EXD3: variants seen among roughly 807,000 people sequenced by gnomAD.
The protein encoded by EXD3 is exonuclease mut-7 homolog.
Under a neutral mutation model 98.0 loss-of-function variants are expected in EXD3, and 92 were observed. The ratio of observed to expected loss-of-function variants is 0.94; its 90% confidence interval spans 0.79 to 1.12. EXD3 has a LOEUF of 1.12. Among genes scored for constraint, EXD3 ranks in the 50% most tolerant of loss-of-function variants. The pLI is 0.00. For synonymous variants in EXD3, 569 were observed against 526.0 expected (o/e 1.08, Z -1.12); for missense variants, 1,222 against 1,191.6 (o/e 1.03, Z -0.38).
chr9:137,378,806 G>C (rs1836044724), intron 3 of EXD3, among the ~76,000 whole-genome samples: 1 of 152,282 alleles, frequency 6.6e-6, no homozygotes, highest in African/African-American at 2.4e-5. Context: ...TCCAGAGGCA[G>C]AAAGCGGGTG....
intron 17 of EXD3, among the ~76,000 whole-genome samples, chr9:137,330,138 GA>G (rs1396776788): frequency 1.7e-5 from 2 of 119,298 alleles, no homozygotes; most frequent in Non-Finnish European, 3.6e-5. Context: ...AGCTACACAG[GA>G]ACTACACCGG....
chr9:137,317,362 C>T (rs1026469008), intron 19 of EXD3, among the ~76,000 whole-genome samples: 2 of 152,156 alleles, frequency 1.3e-5, no homozygotes, highest in Non-Finnish European at 2.9e-5. Context: ...CCGAGGACAG[C>T]CTGCCCATCC....
intron 1 of EXD3, among the ~76,000 whole-genome samples, chr9:137,420,766 A>C (rs1427748078): frequency 3.0e-5 from 4 of 133,398 alleles, no homozygotes; most frequent in African/African-American, 1.1e-4. Flanking sequence ...TACAGGTATT[A>C]TACATACACT....
At chr9:137,390,432 C>CAA in intron 2 of EXD3, among the ~76,000 whole-genome samples, 1 of 128,330 alleles carries the variant, frequency 7.8e-6, no homozygotes, top group African/African-American at 2.9e-5. Context: ...ATTCTGTTGC[C>CAA]AAAAAAAAAA....
chr9:137,356,463 A>T, intron 7 of EXD3, 95 bp from the exon 8 acceptor site: 1 of 835,072 alleles, frequency 1.2e-6, no homozygotes, highest in Non-Finnish European at 1.9e-6. Context: ...TGCATAGTTT[A>T]AACCTCAAGT....
intron 8 of EXD3, 51 bp from the exon 9 acceptor site, chr9:137,354,824 G>T: frequency 6.4e-7 from 1 of 1,558,544 alleles, no homozygotes; most frequent in Non-Finnish European, 8.7e-7. Context: ...GCCTCACCAC[G>T]GCCTCCTTCT....
At chr9:137,366,245 A>C in intron 7 of EXD3, 1 of 705,012 alleles carries the variant, frequency 1.4e-6, no homozygotes, top group Non-Finnish European at 2.6e-6. Flanking sequence ...ACGGAGAATT[A>C]TTTTCGTTCT....
rs1054043603 is a variant in EXD3, at chr9:137,320,233, C to T, written c.2184+3492G>A. ...CCCCCCGCCCCTTCCCCACGTCCTG[C>T]CCCCAGACAGAGGGGCTGGCACAGG... On this transcript the variant is annotated intron_variant, in intron 19 of 21. Transcript: ENST00000340951. 3.3e-5 allele frequency among the ~76,000 whole-genome samples: 5 copies of T among 152,328 alleles called. No individual in the cohort carries two copies. The South Asian group carries it at 6.2e-4, about 19-fold the overall frequency.
chr9:137,332,587 T>C (rs1322402248), intron 17 of EXD3, among the ~76,000 whole-genome samples: 2 of 151,418 alleles, frequency 1.3e-5, no homozygotes, highest in Middle Eastern at 3.4e-3. Context: ...CTCACGCCTG[T>C]AATCCCAGCA....
chr9:137,318,153 G>A (rs1394204501), intron 19 of EXD3, among the ~76,000 whole-genome samples: 1 of 152,200 alleles, frequency 6.6e-6, no homozygotes, highest in East Asian at 1.9e-4. Context: ...GGCTCCAGGT[G>A]CTGAGTGTGA....
intron 18 of EXD3, 108 bp from the exon 19 acceptor site, chr9:137,323,964 G>T: frequency 2.6e-6 from 4 of 1,527,328 alleles, no homozygotes; most frequent in Admixed American, 2.0e-5. Context: ...CGGCCCACCA[G>T]GGGTACGGCA....
In EXD3 at chr9:137,354,710, C is replaced by A; in HGVS notation, c.821G>T (p.Arg274Leu). 1 of 1,610,944 alleles carries A rather than the reference C, an allele frequency of 6.2e-7. No individual in the cohort carries two copies. The stretch of plus-strand genomic sequence containing the variant: ...CTCCTGCTCACGAACCTCCACAAAC[C>A]GCTTGTGGCACAGGTGCCGCAGGGC... ...LAALRHLCHK[R>L]FVEKSLSQEN... is the part of the protein sequence containing the mutation. Residue 274 changes from arginine (R) to leucine (L), a missense_variant, in exon 9 of 22, where the codon CGG becomes CTG. Transcript: ENST00000340951.
At position 137,311,016 on chromosome 9, in the gene EXD3, C is replaced by T. The variant is rs374609086; in HGVS notation, c.2185-1316G>A. ...CCGGGTGTGGCCATGTTGGGGGCAC[C>T]GGCCCTGCCCCACACGCTGTCTTCC... is the stretch of plus-strand genomic sequence containing the variant. On this transcript the variant is annotated intron_variant, in intron 19 of 21. Transcript: ENST00000340951. Among the ~76,000 whole-genome samples, 236 of 152,342 alleles carry T rather than the reference C, an allele frequency of 1.5e-3. 2 individuals carry two copies. The Middle Eastern group carries it at 0.02, about 13-fold the overall frequency.
rs374531532 is a variant in EXD3, at chr9:137,349,373, G to A, written c.1653C>T (p.Tyr551=). 26 of 1,587,012 alleles carry A rather than the reference G, an allele frequency of 1.6e-5. No individual in the cohort carries two copies. Among genetic ancestry groups the A allele is most frequent in the Non-Finnish European group, 2.0e-5 (23 of 1,172,590 alleles). The change falls in exon 15 of 22, where the codon TAC becomes TAT. Residue 551 remains tyrosine, a synonymous_variant. Transcript: ENST00000340951. This position sits in a 1 kb window ranked among gnomAD's most constrained non-coding sequence, Gnocchi z 7.4. ...CCCACCCGCCGCACCGCACACCTGC[G>A]TAGATGACCTGCTCCTCGCAGAGCG... ...RRPLCEEQVI[Y]AAADAYCLLE... is the part of the protein sequence containing the mutation.
In EXD3 at chr9:137,328,654, A is replaced by G. The variant is rs992652007; in HGVS notation, c.1999-4511T>C. Among the ~76,000 whole-genome samples, 40 of 75,724 alleles carry G rather than the reference A, an allele frequency of 5.3e-4. 1 individual carries two copies. Among genetic ancestry groups the G allele is most frequent in the African/African-American group, 2.7e-3 (37 of 13,702 alleles). The allele number at this position is 75,724 out of a possible 152,430, so 49.7% of individuals were successfully genotyped here. ...GGACTACACGGGGCTACACGGGACT[A>G]CACGGGACTACACGGGACTACACGG... On this transcript the variant is annotated intron_variant, in intron 17 of 21. Coordinates refer to ENST00000340951, the MANE Select transcript of EXD3 (RefSeq NM_017820.5).
Position 137,323,831 on chromosome 9 carries a change from CG to C in EXD3, c.2077del (p.Arg693AlafsTer9). 1 of 1,611,744 alleles carries C rather than the reference CG, an allele frequency of 6.2e-7. No homozygotes were observed. ...CAGGGAGCAGTCGACCGAGAGGCAG[CG>C]CCCAGCCCCGACCTGGGCCCGGAGC... ...HKLRAQVGAG[R>X]CLSVDCSLKA... On this transcript the variant is annotated frameshift_variant, in exon 19 of 22. Coordinates refer to ENST00000340951, the MANE Select transcript of EXD3 (RefSeq NM_017820.5). LOFTEE classifies it high-confidence loss of function.
intron 19 of EXD3, among the ~76,000 whole-genome samples, chr9:137,318,985 C>T (rs1831872971): frequency 6.6e-6 from 1 of 152,256 alleles, no homozygotes; most frequent in Non-Finnish European, 1.5e-5. Context: ...GCGGGCTTTC[C>T]CTCCGGGAAC....
At position 137,385,459 on chromosome 9, in the gene EXD3, C is replaced by T. The variant is rs1056895510; in HGVS notation, c.56-2082G>A. Among the ~76,000 whole-genome samples, 18 of 152,200 alleles carry T rather than the reference C, an allele frequency of 1.2e-4. No homozygotes were observed. The highest frequency in any genetic ancestry group is 2.1e-4 in the South Asian group (1 of 4,794). On this transcript the variant is annotated intron_variant, in intron 2 of 21. Coordinates refer to ENST00000340951, the MANE Select transcript of EXD3 (RefSeq NM_017820.5). This position sits in a 1 kb window ranked among gnomAD's most constrained non-coding sequence, Gnocchi z 4.4. ...GTGTGTTCACGATCATGTGCCGAGC[C>T]GCATCATGTGCTCTGCGTTCCTTCC...
rs1833570103 is a variant in EXD3, at chr9:137,340,158, C to A, written c.1998+7913G>T. On this transcript the variant is annotated intron_variant, in intron 17 of 21. Transcript: ENST00000340951. ...GGGATGAAATCTAAGAAAAGACATG[C>A]AAGATCTTTATGGAAGTTATTAAAT... 7.9e-5 allele frequency among the ~76,000 whole-genome samples: 12 copies of A among 152,248 alleles called. No individual in the cohort carries two copies. In the South Asian group the frequency reaches 2.5e-3, roughly 32 times the overall value.
Sources: gnomAD v4.1 joint callset for allele counts (sites outside exome capture counted in the v4.1 genomes callset) on GRCh38, gnomAD v4.1.1 for gene constraint, Gnocchi (gnomAD v3.1) non-coding constraint, MANE v1.5 for transcripts, NCBI Gene and HGNC (gene_info 2026-07-23, HGNC 2026-07-21) for gene names.